The following ANKS3 variants were observed in gnomAD, a reference collection of about 807,000 sequenced individuals.
ANKS3 encodes the protein ankyrin repeat and sterile alpha motif domain containing 3.
A neutral mutation model predicts 80.7 loss-of-function variants in ANKS3; 62 were observed. The observed-to-expected ratio is 0.77, with a 90% CI of 0.63 to 0.95. ANKS3 has a LOEUF of 0.95. Ranked by LOEUF, ANKS3 falls within the 40% of genes least tolerant of loss-of-function variation. The pLI, the probability that ANKS3 is intolerant of heterozygous loss-of-function variation, is 0.00. For synonymous variants in ANKS3, 489 were observed against 355.3 expected (o/e 1.38, Z -4.23); for missense variants, 1,150 against 883.6 (o/e 1.30, Z -3.82).
intron 11 of ANKS3, chr16:4,700,657 T>C: frequency 2.2e-6 from 1 of 459,050 alleles, no homozygotes; most frequent in Non-Finnish European, 4.1e-6. Context: ...TTCAACCACA[T>C]CTTGTCAGAC....
At chr16:4,720,335 G>C (rs1176309956) in intron 6 of ANKS3, among the ~76,000 whole-genome samples, 1 of 148,734 alleles carries the variant, frequency 6.7e-6, no homozygotes, top group Non-Finnish European at 1.5e-5. Context: ...GGTGGCGAGT[G>C]CCTACAGTCC....
rs571318110 is a variant in ANKS3 at position 4,697,050 on chromosome 16, C to G, written c.1949G>C (p.Gly650Ala). ...AGGCTAGGTCTCCCGCCACTTCTTC[C>G]CGTTCAGCACCTGCAGCTTCTCCAG... ...QSLEKLQVLN[G>A]KKWRET The change falls in exon 17 of 18, where the codon GGG becomes GCG. Residue 650 changes from glycine to alanine, a missense_variant. Physicochemically the swap from Gly to Ala is moderately conservative, Grantham distance 60. Transcript: ENST00000304283. The G allele has an allele frequency of 6.2e-6, 10 of 1,613,916 alleles. No homozygotes were observed. In the South Asian group the frequency reaches 1.1e-4, roughly 18 times the overall value.
intron 7 of ANKS3, among the ~76,000 whole-genome samples, chr16:4,713,734 G>C (rs1030740000): frequency 2.0e-5 from 3 of 152,190 alleles, no homozygotes; most frequent in Admixed American, 6.5e-5. Flanking sequence ...TCATATAGAA[G>C]AATGAACAAG....
chr16:4,700,895 T>C, intron 11 of ANKS3, 75 bp downstream of exon 11: 1 of 1,576,702 alleles, frequency 6.3e-7, no homozygotes, highest in Non-Finnish European at 8.7e-7. Context: ...GCACGTCATA[T>C]ACACAACACA....
At chr16:4,705,024 A>T in intron 8 of ANKS3, 71 bp downstream of exon 8, 1 of 1,574,806 alleles carries the variant, frequency 6.3e-7, no homozygotes, top group Non-Finnish European at 8.6e-7. Flanking sequence ...CCTAAGAGCT[A>T]TTCCATTCTT....
At chr16:4,709,198 G>C (rs1052458008) in intron 7 of ANKS3, among the ~76,000 whole-genome samples, 1 of 151,838 alleles carries the variant, frequency 6.6e-6, no homozygotes, top group East Asian at 1.9e-4. Flanking sequence ...CCTTATGTCG[G>C]GAGTTCGAGA....
chr16:4,723,214 C>T (rs898821811), intron 6 of ANKS3, among the ~76,000 whole-genome samples: 2 of 152,188 alleles, frequency 1.3e-5, no homozygotes, highest in Non-Finnish European at 1.5e-5. Flanking sequence ...TACAATTCAA[C>T]GGCTTCTCGT....
At chr16:4,732,944 TTA>T (rs1555480422) in intron 1 of ANKS3, among the ~76,000 whole-genome samples, 2 of 151,978 alleles carry the variant, frequency 1.3e-5, no homozygotes, top group Non-Finnish European at 2.9e-5. Context: ...GCGGAGATCG[TTA>T]TGTTTAGTGA....
rs1240417449 is a variant in ANKS3, at chr16:4,697,435, G to A, written c.1811-19C>T. On this transcript the variant is annotated intron_variant, in intron 15 of 17. Coordinates refer to ENST00000304283, the MANE Select transcript of ANKS3 (RefSeq NM_133450.4). ...TTGGAGTCTGTGGTGCAGGTGCAGG[G>A]ACCGAGTTAGCTGGGGGTCTGCGTC... 2 of 1,575,024 alleles carry A rather than the reference G, an allele frequency of 1.3e-6. No homozygotes were observed. Among genetic ancestry groups the A allele is most frequent in the African/African-American group, 1.4e-5 (1 of 73,712 alleles).
chr16:4,713,569 C>G, intron 7 of ANKS3, among the ~76,000 whole-genome samples: 1 of 152,122 alleles, frequency 6.6e-6, no homozygotes. Flanking sequence ...ATTTAAAACC[C>G]TCCTGCAAGA....
At chr16:4,708,896 G>A (rs1684586) in intron 7 of ANKS3, among the ~76,000 whole-genome samples, 71,785 of 150,198 alleles carry the variant, frequency 0.48, 17,801 homozygotes, top group East Asian at 0.66. Flanking sequence ...CCGAGATCGC[G>A]CCACTGCACT....
At chr16:4,708,784 A>C (rs1042424763) in intron 7 of ANKS3, among the ~76,000 whole-genome samples, 1 of 151,870 alleles carries the variant, frequency 6.6e-6, no homozygotes, top group Non-Finnish European at 1.5e-5. Context: ...AATACAAAAA[A>C]AAAATTAGCC....
chr16:4,716,797 C>G (rs2080824510), intron 6 of ANKS3, among the ~76,000 whole-genome samples: 1 of 151,820 alleles, frequency 6.6e-6, no homozygotes, highest in Non-Finnish European at 1.5e-5. Context: ...GTGCCTGTAT[C>G]CCAGCTACTC....
In ANKS3 at chr16:4,723,634, C is replaced by G. The variant is rs187282495; in HGVS notation, c.573+1116G>C. 7.2e-4 allele frequency among the ~76,000 whole-genome samples: 109 copies of G among 152,358 alleles called. 1 individual carries two copies. Among genetic ancestry groups the G allele is most frequent in the African/African-American group, 2.5e-3 (102 of 41,578 alleles). On this transcript the variant is annotated intron_variant, in intron 6 of 17. Transcript: ENST00000304283. ...ACCCCTGCCGCAGCATGCAGCAGTA[C>G]TGCATTACTTTGTAGGGCCGAATAA...
At chr16:4,721,425 G>A (rs1332171775) in intron 6 of ANKS3, among the ~76,000 whole-genome samples, 1 of 150,716 alleles carries the variant, frequency 6.6e-6, no homozygotes, top group Non-Finnish European at 1.5e-5. Flanking sequence ...CCTGGGCAAC[G>A]TGGCAAAACC....
intron 8 of ANKS3, among the ~76,000 whole-genome samples, chr16:4,704,344 C>T (rs756294356): frequency 2.8e-4 from 42 of 152,180 alleles, no homozygotes; most frequent in Admixed American, 5.9e-4. Flanking sequence ...GCCTTGCTCC[C>T]GAGAAGGACC....
At chr16:4,697,282 C>A (rs1471173632) in intron 16 of ANKS3, 51 bp downstream of exon 16, 5 of 1,560,548 alleles carry the variant, frequency 3.2e-6, no homozygotes, top group Non-Finnish European at 4.4e-6. Flanking sequence ...GTCCCTTTGC[C>A]TCCCTCGGAA....
chr16:4,730,284 TCAGA>T (rs143566642), intron 2 of ANKS3, 133 bp from the exon 3 acceptor site: 9,156 of 798,244 alleles, frequency 0.011, 72 homozygotes, highest in Non-Finnish European at 0.014. Context: ...CGGGAGTAAC[TCAGA>T]CAAATTTATT....
At chr16:4,704,616 C>T (rs554458752) in intron 8 of ANKS3, among the ~76,000 whole-genome samples, 9 of 152,330 alleles carry the variant, frequency 5.9e-5, no homozygotes, top group South Asian at 2.1e-4. Context: ...AGTCAACAAG[C>T]GGGCCCTCTC....
Sources: gnomAD v4.1 joint callset for allele counts (sites outside exome capture counted in the v4.1 genomes callset) on GRCh38, gnomAD v4.1.1 for gene constraint, MANE v1.5 for transcripts, NCBI Gene and HGNC (gene_info 2026-07-23, HGNC 2026-07-21) for gene names.